The following ARHGAP26 variants were observed in gnomAD, a reference collection of about 807,000 sequenced individuals.
ARHGAP26 encodes Rho GTPase activating protein 26.
Under a neutral mutation model 104.8 loss-of-function variants are expected in ARHGAP26, and 38 were observed. That is an observed-to-expected ratio of 0.36 (90% CI 0.28 to 0.48). The LOEUF is 0.48. Among genes scored for constraint, ARHGAP26 ranks in the 20% least tolerant of loss-of-function variants. ARHGAP26 has a pLI of 0.99. For synonymous variants in ARHGAP26, 341 were observed against 340.0 expected, an observed-to-expected ratio of 1.00 and a Z score of -0.03; for missense variants, 704 against 947.9, an observed-to-expected ratio of 0.74 and a Z score of 3.38.
chr5:142,932,436 G>C (rs754585579), intron 11 of ARHGAP26, among the ~76,000 whole-genome samples: 1 of 152,162 alleles, frequency 6.6e-6, no homozygotes, highest in Non-Finnish European at 1.5e-5. Flanking sequence ...ATAAGCAGCG[G>C]GACATTATCA....
At position 143,223,903 on chromosome 5, in the gene ARHGAP26, C is replaced by G. The variant is rs1391052634; in HGVS notation, c.*1457C>G. 6 of 231,472 alleles carry G rather than the reference C, an allele frequency of 2.6e-5. No homozygotes were observed. The highest frequency in any genetic ancestry group is 1.1e-4 in the African/African-American group (5 of 45,208). 14.3% of individuals were successfully genotyped at this position (231,472 alleles called of 1,614,324 possible). On this transcript the variant is annotated 3_prime_UTR_variant, in exon 23 of 23. Transcript: ENST00000645722. ...TCAAATTCACTTGGCCTGCAAACAACAGAGTTATCCGTATCTTCCACATGT... is the reference window on the plus strand; with the variant it reads ...TCAAATTCACTTGGCCTGCAAACAAGAGAGTTATCCGTATCTTCCACATGT...
At chr5:142,857,990 C>G (rs1752634489) in intron 1 of ARHGAP26, among the ~76,000 whole-genome samples, 1 of 148,602 alleles carries the variant, frequency 6.7e-6, no homozygotes, top group Non-Finnish European at 1.5e-5. Context: ...AATTCAAAAG[C>G]CAAATCAAGA....
chr5:142,829,372 G>C (rs547654993), intron 1 of ARHGAP26, among the ~76,000 whole-genome samples: 1 of 152,278 alleles, frequency 6.6e-6, no homozygotes, highest in South Asian at 2.1e-4. Flanking sequence ...TTGTCAATAG[G>C]AATGAACCTC....
At chr5:143,039,295 C>T (rs1466594587) in intron 13 of ARHGAP26, among the ~76,000 whole-genome samples, 1 of 151,910 alleles carries the variant, frequency 6.6e-6, no homozygotes, top group Non-Finnish European at 1.5e-5. Context: ...GCAACCTTGG[C>T]CTCACAGGTT....
rs77850082 is a variant in ARHGAP26, at chr5:142,864,956, C to T, written c.155-8444C>T. Among the ~76,000 whole-genome samples the T allele has an allele frequency of 0.014, 2,198 of 152,332 alleles. 184 individuals are homozygous for T. In the East Asian group the frequency reaches 0.26, roughly 18 times the overall value. ...GCCCCGTGTGTGTGTGATATTTGTACTTGAGCTGCCTGGAATTACCCTCTC... is the reference window on the plus strand; with the variant it reads ...GCCCCGTGTGTGTGTGATATTTGTATTTGAGCTGCCTGGAATTACCCTCTC... On this transcript the variant is annotated intron_variant, in intron 1 of 22. Transcript: ENST00000645722.
intron 1 of ARHGAP26, chr5:142,772,871 G>C: frequency 1.9e-6 from 1 of 533,520 alleles, no homozygotes; most frequent in Non-Finnish European, 3.8e-6. Flanking sequence ...GTGACTGGCA[G>C]TTTTCCTACC....
chr5:143,043,981 G>C (rs1234020060), intron 14 of ARHGAP26, among the ~76,000 whole-genome samples: 2 of 152,184 alleles, frequency 1.3e-5, no homozygotes, highest in Non-Finnish European at 2.9e-5. Flanking sequence ...ATTTCTGAAA[G>C]ACTTAACTTG....
At chr5:143,173,430 C>G (rs999384246) in intron 20 of ARHGAP26, among the ~76,000 whole-genome samples, 2 of 152,124 alleles carry the variant, frequency 1.3e-5, no homozygotes, top group African/African-American at 4.8e-5. Context: ...CGGAAAATCA[C>G]CACAGGCCAG....
intron 17 of ARHGAP26, among the ~76,000 whole-genome samples, chr5:143,096,394 T>C (rs531997066): frequency 6.6e-6 from 1 of 152,360 alleles, no homozygotes; most frequent in African/African-American, 2.4e-5. Flanking sequence ...ACTGTTTTCC[T>C]TAAAGTAGAC....
At chr5:143,023,805 C>G (rs764227310) in intron 12 of ARHGAP26, among the ~76,000 whole-genome samples, 1 of 152,242 alleles carries the variant, frequency 6.6e-6, no homozygotes, top group African/African-American at 2.4e-5. Flanking sequence ...TCTCTCCAGG[C>G]CTGCCAGGTC....
At chr5:143,121,245 ACT>A (rs2150791522) in intron 18 of ARHGAP26, 98 bp downstream of exon 18, 2 of 1,199,686 alleles carry the variant, frequency 1.7e-6, no homozygotes, top group Non-Finnish European at 2.3e-6. Context: ...ATTGCTAATC[ACT>A]CTTACACTGT....
chr5:142,886,509 G>A (rs1172024618), intron 5 of ARHGAP26, among the ~76,000 whole-genome samples: 1 of 152,128 alleles, frequency 6.6e-6, no homozygotes, highest in Admixed American at 6.6e-5. Flanking sequence ...CAGCAACAAA[G>A]GTTTATAATG....
At chr5:142,827,557 G>A (rs1345166707) in intron 1 of ARHGAP26, among the ~76,000 whole-genome samples, 1 of 152,184 alleles carries the variant, frequency 6.6e-6, no homozygotes, top group African/African-American at 2.4e-5. Flanking sequence ...TTAAGAGCAT[G>A]GGCTTTAGGG....
In ARHGAP26 at chr5:143,032,044, T is replaced by C. The variant is rs573165962; in HGVS notation, c.1145-5152T>C. On this transcript the variant is annotated intron_variant, in intron 12 of 22. Transcript: ENST00000645722. ...ACTGAGCATAAACCCACCTCTCCTG[T>C]GTTCACGTGTTCTCTAGAGAACTTT... Among the ~76,000 whole-genome samples the C allele has an allele frequency of 2.1e-3, 323 of 152,322 alleles. 1 individual carries two copies. The highest frequency in any genetic ancestry group is 7.6e-3 in the African/African-American group (315 of 41,572).
In ARHGAP26 at chr5:142,855,028, G is replaced by T. The variant is rs115322093; in HGVS notation, c.155-18372G>T. ...GTAAAGTGTTTAGAGTCAGCTCTGG[G>T]TCCCTCAGAGAAAAGTCTCTCTTAA... On this transcript the variant is annotated intron_variant, in intron 1 of 22. Transcript: ENST00000645722. 2.8e-3 allele frequency among the ~76,000 whole-genome samples: 428 copies of T among 152,092 alleles called. 1 individual carries two copies. Among genetic ancestry groups the T allele is most frequent in the Middle Eastern group, 0.014 (4 of 294 alleles).
intron 3 of ARHGAP26, 26 bp from the exon 4 acceptor site, chr5:142,879,348 T>C: frequency 6.2e-7 from 1 of 1,606,692 alleles, no homozygotes; most frequent in Non-Finnish European, 8.5e-7. Flanking sequence ...GTGTCTTCTT[T>C]CCCTTACTCT....
intron 11 of ARHGAP26, among the ~76,000 whole-genome samples, chr5:142,936,862 T>C (rs1180800915): frequency 6.6e-6 from 1 of 151,634 alleles, no homozygotes; most frequent in Middle Eastern, 3.4e-3. Flanking sequence ...TCATATCTTA[T>C]ACAAAATTTA....
chr5:143,141,209 T>C (rs1798487017), intron 19 of ARHGAP26, among the ~76,000 whole-genome samples: 1 of 152,228 alleles, frequency 6.6e-6, no homozygotes, highest in Non-Finnish European at 1.5e-5. Context: ...AAAATGATGC[T>C]GTGGAAAGCT....
At chr5:142,882,143 A>G (rs1757088119) in intron 4 of ARHGAP26, among the ~76,000 whole-genome samples, 1 of 152,246 alleles carries the variant, frequency 6.6e-6, no homozygotes, top group African/African-American at 2.4e-5. Context: ...GTGGGTCTAC[A>G]GCTAGACTGT....
Sources: allele counts gnomAD v4.1 joint callset (sites outside exome capture counted in the v4.1 genomes callset), GRCh38; gene constraint gnomAD v4.1.1; transcripts MANE v1.5; gene names NCBI Gene and HGNC (gene_info 2026-07-23, HGNC 2026-07-21).